The following GAN variants were observed in gnomAD, a reference collection of about 807,000 sequenced individuals.
The protein encoded by GAN is epididymis secretory sperm binding protein.
A neutral mutation model predicts 71.3 loss-of-function variants in GAN; 48 were observed. The observed-to-expected ratio is 0.67, with a 90% confidence interval of 0.53 to 0.86. GAN has a LOEUF of 0.86. GAN is among the 40% of genes least tolerant of loss of function. The pLI, the probability that GAN is intolerant of heterozygous loss-of-function variation, is 0.00. For synonymous variants in GAN, 386 were observed against 276.8 expected, an observed-to-expected ratio of 1.39 and a Z score of -3.92; for missense variants, 928 against 770.1, an observed-to-expected ratio of 1.21 and a Z score of -2.43.
intron 9 of GAN, among the ~76,000 whole-genome samples, chr16:81,376,563 ATATGTGTATATGTGTATATATG>A (rs1249347352): frequency 2.8e-5 from 4 of 144,282 alleles, no homozygotes; most frequent in Non-Finnish European, 5.9e-5. Flanking sequence ...ATATACATAT[ATATGTGTATATGTGTATATATG>A]TATGTATAAG....
intron 7 of GAN, 145 bp downstream of exon 7, chr16:81,364,088 C>A: frequency 1.3e-6 from 1 of 745,080 alleles, no homozygotes; most frequent in Non-Finnish European, 2.4e-6. Context: ...GGTAGTTTGC[C>A]TTCACTGTCA....
At position 81,383,293 on chromosome 16, in the gene GAN, C is replaced by T. The variant is rs1567503604; in HGVS notation, c.*5697C>T. On this transcript the variant is annotated 3_prime_UTR_variant, in exon 11 of 11. Coordinates refer to ENST00000648994, the MANE Select transcript of GAN (RefSeq NM_022041.4). ...TTTGAGACGGAGTCTCGCTCTGTCGCCTAGGCTGGAGTGCAGTGGTGCGAT... is the reference window on the plus strand; with the variant it reads ...TTTGAGACGGAGTCTCGCTCTGTCGTCTAGGCTGGAGTGCAGTGGTGCGAT... 7.9e-6 allele frequency: 1 copy of T among 126,534 alleles called. No homozygotes were observed. The highest frequency in any genetic ancestry group is 3.1e-5 in the African/African-American group (1 of 32,362). The allele number at this position is 126,534 out of a possible 1,614,324, so 7.8% of individuals were successfully genotyped here. A position where few individuals can be genotyped will look rare whatever the true frequency, so the allele number is the denominator to read the frequency against.
chr16:81,343,172 G>A (rs963002499), intron 1 of GAN, among the ~76,000 whole-genome samples: 4 of 152,122 alleles, frequency 2.6e-5, no homozygotes, highest in South Asian at 4.1e-4. Context: ...AGGACCAGAC[G>A]GATTCACAGC....
chr16:81,365,221 C>A, intron 8 of GAN, 111 bp downstream of exon 8: 1 of 1,561,398 alleles, frequency 6.4e-7, no homozygotes, highest in Non-Finnish European at 8.8e-7. Context: ...TTTTCTTTGA[C>A]TTGGCATTTC....
chr16:81,371,007 C>G lies in GAN; in HGVS notation c.1502+5529C>G, dbSNP rs367977497. 2.6e-5 allele frequency among the ~76,000 whole-genome samples: 4 copies of G among 152,196 alleles called. No homozygotes were observed. The South Asian group carries it at 8.3e-4, about 32-fold the overall frequency. On this transcript the variant is annotated intron_variant, in intron 9 of 10. Transcript: ENST00000648994. ...TTTATTTTCATGACCATTCAGTCTG[C>G]AGTATCATTTTTCCTTCTTCAGATT...
At chr16:81,320,393 C>G (rs1394089192) in intron 1 of GAN, among the ~76,000 whole-genome samples, 1 of 152,212 alleles carries the variant, frequency 6.6e-6, no homozygotes. Flanking sequence ...TGCATAGCCT[C>G]TTATTAGATT....
In GAN at chr16:81,354,479, C is replaced by T; in HGVS notation, c.357C>T (p.Thr119=). ...ADLLLLTDLK[T]LCCEFLEGCI... ...TGCTGCTACTGACGGACCTTAAAACCCTGTGCTGTGAGTTTTTGGAAGGCT... is the reference window on the plus strand; with the variant it reads ...TGCTGCTACTGACGGACCTTAAAACTCTGTGCTGTGAGTTTTTGGAAGGCT... Residue 119 remains threonine, a synonymous_variant, in exon 3 of 11, where the codon ACC becomes ACT. Transcript: ENST00000648994. 3 of 1,613,922 alleles carry T rather than the reference C, an allele frequency of 1.9e-6. No homozygotes were observed. The highest frequency in any genetic ancestry group is 1.3e-5 in the African/African-American group (1 of 75,002).
At chr16:81,317,607 T>C (rs537401677) in intron 1 of GAN, among the ~76,000 whole-genome samples, 1 of 152,376 alleles carries the variant, frequency 6.6e-6, no homozygotes, top group Non-Finnish European at 1.5e-5. Context: ...AGGGGCTCAG[T>C]GGACATTAGT....
At chr16:81,364,484 C>G (rs541226473) in intron 7 of GAN, among the ~76,000 whole-genome samples, 2 of 152,248 alleles carry the variant, frequency 1.3e-5, no homozygotes, top group South Asian at 2.1e-4. Flanking sequence ...CCCGGCTGGT[C>G]TTGAACTCTT....
chr16:81,360,937 G>C (rs940267917), intron 5 of GAN, among the ~76,000 whole-genome samples: 3 of 152,110 alleles, frequency 2.0e-5, no homozygotes, highest in African/African-American at 7.2e-5. Context: ...AACATTATTT[G>C]TAGCAGCCGG....
chr16:81,317,925 A>T (rs79897190), intron 1 of GAN, among the ~76,000 whole-genome samples: 3,383 of 152,194 alleles, frequency 0.022, 52 homozygotes, highest in Non-Finnish European at 0.035. Context: ...TTCATCAGTG[A>T]CAGATGAATT....
Position 81,354,693 on chromosome 16 carries a change from A to G in GAN, c.571A>G (p.Asn191Asp). The change falls in exon 3 of 11, where the codon AAT (asparagine) becomes GAT (aspartate). Residue 191 changes from asparagine to aspartate, a missense_variant. Asn to Asp is a conservative substitution (Grantham distance 23). Coordinates refer to ENST00000648994, the MANE Select transcript of GAN (RefSeq NM_022041.4). ...TTCTCTTGAGAAGTTAAACGTTGGC[A>G]ATGAAAGATATGTCTTTGAAGCAGT... ...VISLEKLNVG[N>D]ERYVFEAVIR... 4 of 1,613,498 alleles carry G rather than the reference A, an allele frequency of 2.5e-6. No homozygotes were observed. The highest frequency in any genetic ancestry group is 3.4e-6 in the Non-Finnish European group (4 of 1,179,346).
rs529107508 is a variant in GAN at position 81,345,455 on chromosome 16, A to G, written c.168-6128A>G. Among the ~76,000 whole-genome samples the G allele has an allele frequency of 1.2e-4, 19 of 152,326 alleles. No homozygotes were observed. The South Asian group carries it at 3.9e-3, about 32-fold the overall frequency. The stretch of plus-strand genomic sequence containing the variant: ...GTTCATGTCTTTTGCAGGGACATGG[A>G]TGAAGCTGGAAACCATCATTCTCAG... On this transcript the variant is annotated intron_variant, in intron 1 of 10. Coordinates refer to ENST00000648994, the MANE Select transcript of GAN (RefSeq NM_022041.4).
chr16:81,376,502 T>TGC, intron 9 of GAN, among the ~76,000 whole-genome samples: 1 of 140,306 alleles, frequency 7.1e-6, no homozygotes, highest in East Asian at 1.9e-4. Context: ...TGTGTGTGTG[T>TGC]GTGTGTGTAT....
intron 9 of GAN, among the ~76,000 whole-genome samples, chr16:81,368,340 T>C (rs1291172384): frequency 6.6e-6 from 1 of 152,194 alleles, no homozygotes; most frequent in African/African-American, 2.4e-5. Context: ...GGCTGACACC[T>C]ATAATCCCAG....
intron 1 of GAN, among the ~76,000 whole-genome samples, chr16:81,325,065 C>G (rs139911975): frequency 1.3e-5 from 2 of 150,078 alleles, no homozygotes; most frequent in Non-Finnish European, 3.0e-5. Flanking sequence ...CTCCCAGGCA[C>G]GGATGCTCCC....
intron 3 of GAN, 66 bp downstream of exon 3, chr16:81,354,821 T>A: frequency 1.1e-6 from 1 of 931,350 alleles, no homozygotes; most frequent in South Asian, 1.4e-5. Flanking sequence ...ATTTTAGTTG[T>A]TTTATTTTTC....
Position 81,354,772 on chromosome 16 carries a change from A to G in GAN, c.633+17A>G, listed in dbSNP as rs1910430696. ...ATAAGAAAGGTACCTGTCATTTATA[A>G]CATGGTCAAATTTGCCTTTTTATTT... On this transcript the variant is annotated intron_variant, in intron 3 of 10. Coordinates refer to ENST00000648994, the MANE Select transcript of GAN (RefSeq NM_022041.4). 2.8e-6 allele frequency: 4 copies of G among 1,421,376 alleles called. No individual in the cohort carries two copies. Among genetic ancestry groups the G allele is most frequent in the Non-Finnish European group, 4.0e-6 (4 of 1,005,664 alleles). 88.0% of individuals were successfully genotyped at this position (1,421,376 alleles called of 1,614,324 possible).
intron 7 of GAN, 55 bp from the exon 8 acceptor site, chr16:81,364,919 A>T: frequency 1.3e-6 from 2 of 1,574,438 alleles, no homozygotes; most frequent in Non-Finnish European, 1.7e-6. Flanking sequence ...ATATCTGTTC[A>T]CCTGACCTGA....
Sources: gnomAD v4.1 joint callset for allele counts (sites outside exome capture counted in the v4.1 genomes callset) on GRCh38, gnomAD v4.1.1 for gene constraint, MANE v1.5 for transcripts, NCBI Gene and HGNC (gene_info 2026-07-23, HGNC 2026-07-21) for gene names.